The following HEXB variants were observed in gnomAD, a reference collection of about 807,000 sequenced individuals.
The protein encoded by HEXB is hexosaminidase subunit beta, also known as beta-hexosaminidase subunit beta.
A neutral mutation model predicts 71.2 loss-of-function variants in HEXB; 51 were observed. That is an observed-to-expected ratio of 0.72 (90% CI 0.57 to 0.90). The LOEUF (loss-of-function observed/expected upper bound fraction) is 0.90, where lower values mean the gene tolerates loss of function less well. Among genes scored for constraint, HEXB ranks in the 40% least tolerant of loss-of-function variants. HEXB has a pLI of 0.00. For missense variants in HEXB, 617 were observed against 677.0 expected, an observed-to-expected ratio of 0.91 and a Z score of 0.98; for synonymous variants, 266 against 249.3, an observed-to-expected ratio of 1.07 and a Z score of -0.63.
intron 1 of HEXB, among the ~76,000 whole-genome samples, chr5:74,649,191 A>G (rs941952845): frequency 6.6e-6 from 1 of 152,172 alleles, no homozygotes; most frequent in Non-Finnish European, 1.5e-5. Context: ...CAATGCCGTG[A>G]GCTCCTGTGT....
intron 1 of HEXB, among the ~76,000 whole-genome samples, chr5:74,665,818 T>A (rs886190380): frequency 6.6e-6 from 1 of 152,206 alleles, no homozygotes; most frequent in Non-Finnish European, 1.5e-5. Context: ...TTAAATTATA[T>A]CTGCAATTTT....
rs1749607987 is a variant in HEXB at position 74,713,705 on chromosome 5, C to G, written c.901+70C>G. ...TTGAGATGGAGTCTTGTTCTGTCAC[C>G]CAGGCTGGAGTGCAGTAGTACAATC... On this transcript the variant is annotated intron_variant, in intron 7 of 13. Coordinates refer to ENST00000261416, the MANE Select transcript of HEXB (RefSeq NM_000521.4). 12 of 1,344,802 alleles carry G rather than the reference C, an allele frequency of 8.9e-6. No homozygotes were observed. In the South Asian group the frequency reaches 1.4e-4, roughly 16 times the overall value. 83.3% of individuals were successfully genotyped at this position (1,344,802 alleles called of 1,614,324 possible).
At chr5:74,647,907 C>A (rs542160135) in intron 1 of HEXB, among the ~76,000 whole-genome samples, 57 of 152,332 alleles carry the variant, frequency 3.7e-4, no homozygotes, top group African/African-American at 1.2e-3. Flanking sequence ...GGCTTCTCTC[C>A]CAGCCTTTCA....
intron 5 of HEXB, among the ~76,000 whole-genome samples, chr5:74,698,468 T>A (rs376598162): frequency 4.6e-5 from 7 of 151,830 alleles, no homozygotes; most frequent in African/African-American, 1.7e-4. Flanking sequence ...CTTGGCTCAC[T>A]GCAACCTCCG....
intron 1 of HEXB, among the ~76,000 whole-genome samples, chr5:74,661,048 G>A (rs1420538317): frequency 6.6e-6 from 1 of 152,088 alleles, no homozygotes; most frequent in African/African-American, 2.4e-5. Context: ...GAGAGAGAGA[G>A]TGGCCTTCAC....
At chr5:74,680,251 AC>A (rs1748714581), upstream of HEXB, among the ~76,000 whole-genome samples, 1 of 152,228 alleles carries the variant, frequency 6.6e-6, no homozygotes, top group Non-Finnish European at 1.5e-5. Context: ...GGATCAAGGA[AC>A]TTCAACATTT....
At chr5:74,710,954 C>CA (rs1364677366) in intron 6 of HEXB, among the ~76,000 whole-genome samples, 2 of 151,678 alleles carry the variant, frequency 1.3e-5, no homozygotes, top group East Asian at 3.9e-4. Flanking sequence ...CATATGGAAC[C>CA]AAAAAAGAGC....
intron 1 of HEXB, among the ~76,000 whole-genome samples, chr5:74,648,699 T>C (rs1016928314): frequency 2.6e-5 from 4 of 152,332 alleles, no homozygotes; most frequent in Admixed American, 2.6e-4. Flanking sequence ...AGAATCTTGA[T>C]CAATGTCATC....
intron 6 of HEXB, among the ~76,000 whole-genome samples, chr5:74,707,959 G>A (rs548884891): frequency 2.6e-5 from 4 of 152,090 alleles, no homozygotes; most frequent in African/African-American, 7.2e-5. Flanking sequence ...CATACTCCTC[G>A]AGAAGAGCAA....
At chr5:74,660,056 A>G (rs1034500727) in intron 1 of HEXB, among the ~76,000 whole-genome samples, 1 of 144,344 alleles carries the variant, frequency 6.9e-6, no homozygotes, top group Non-Finnish European at 1.5e-5. Context: ...GAGAGGAGAG[A>G]CCCTAATCTT....
chr5:74,647,757 T>C (rs1228337310), intron 1 of HEXB, among the ~76,000 whole-genome samples: 1 of 152,258 alleles, frequency 6.6e-6, no homozygotes, highest in Non-Finnish European at 1.5e-5. Context: ...TTTAAAAGTA[T>C]GTATATTCAA....
intron 5 of HEXB, among the ~76,000 whole-genome samples, chr5:74,700,856 C>T (rs549530837): frequency 1.7e-4 from 26 of 151,932 alleles, no homozygotes; most frequent in South Asian, 6.2e-4. Flanking sequence ...TACAGGTGCC[C>T]GCCATCATGC....
At position 74,659,261 on chromosome 5, in the gene HEXB, C is replaced by T. The variant is rs114069222; in HGVS notation, c.-377+18703C>T. ...CACCTGCCTGAGACCTCACAGCGTT[C>T]ATGGCAAAACTAAGAACAGAACATG... is the stretch of plus-strand genomic sequence containing the variant. On this transcript the variant is annotated intron_variant, in intron 1 of 13. Transcript: ENST00000511181. Among the ~76,000 whole-genome samples the T allele has an allele frequency of 9.9e-3, 1,510 of 152,298 alleles. 35 individuals are homozygous for T. The highest frequency in any genetic ancestry group is 0.035 in the African/African-American group (1,456 of 41,564).
intron 6 of HEXB, among the ~76,000 whole-genome samples, chr5:74,711,488 G>A (rs962148047): frequency 6.6e-6 from 1 of 152,114 alleles, no homozygotes; most frequent in Non-Finnish European, 1.5e-5. Context: ...TACCATCAGA[G>A]TGAACAGGCA....
Position 74,716,918 on chromosome 5 carries a change from G to A in HEXB, c.1169+245G>A, listed in dbSNP as rs149941908. On this transcript the variant is annotated intron_variant, in intron 9 of 13. Transcript: ENST00000261416. ...TAAAAACTCAGATTGGGCTGGGCAT[G>A]GTGGCTCACACCTGTAATCCCGGCA... is the stretch of plus-strand genomic sequence containing the variant. 575 of 353,328 alleles carry A rather than the reference G, an allele frequency of 1.6e-3. 5 individuals are homozygous for A. The highest frequency in any genetic ancestry group is 0.011 in the African/African-American group (531 of 46,996). 21.9% of individuals were successfully genotyped at this position (353,328 alleles called of 1,614,324 possible).
At chr5:74,685,203 G>A, upstream of HEXB, 1 of 1,442,190 alleles carries the variant, frequency 6.9e-7, no homozygotes, top group Non-Finnish European at 9.1e-7. Context: ...GGGCCGGGCG[G>A]GAAGTCGGGT....
rs753911440 is a variant in HEXB at position 74,689,364 on chromosome 5, T to C, written c.336T>C (p.His112=). ...ATATTTTTGGTTTCTACAAGTGGCA[T>C]CATGAACCTGCTGAATTCCAGGCTA... is the stretch of plus-strand genomic sequence containing the variant. The part of the protein sequence containing the change: ...HGYIFGFYKW[H]HEPAEFQAKT... Residue 112 remains histidine (H), a synonymous_variant, in exon 2 of 14, where the codon CAT becomes CAC. Transcript: ENST00000261416. The C allele has an allele frequency of 6.2e-7, 1 of 1,613,180 alleles. No individual in the cohort carries two copies. Among genetic ancestry groups the C allele is most frequent in the South Asian group, 1.1e-5 (1 of 91,062 alleles).
intron 1 of HEXB, among the ~76,000 whole-genome samples, chr5:74,665,210 T>C (rs1180807037): frequency 1.3e-5 from 2 of 152,228 alleles, no homozygotes; most frequent in East Asian, 3.8e-4. Context: ...TTCTGGTATT[T>C]GCAGTGATAA....
intron 6 of HEXB, among the ~76,000 whole-genome samples, chr5:74,707,683 G>C (rs1749432649): frequency 2.0e-5 from 3 of 151,718 alleles, no homozygotes; most frequent in East Asian, 3.9e-4. Flanking sequence ...GGAAGAAAGG[G>C]TATCAGTGAT....
Sources: allele counts gnomAD v4.1 joint callset (sites outside exome capture counted in the v4.1 genomes callset), GRCh38; gene constraint gnomAD v4.1.1; transcripts MANE v1.5; gene names NCBI Gene and HGNC (gene_info 2026-07-23, HGNC 2026-07-21).